The following THRB variants were observed in gnomAD, a reference collection of about 807,000 sequenced individuals.
THRB encodes nuclear receptor subfamily 1 group A member 2.
A neutral mutation model predicts 47.8 loss-of-function variants in THRB; 12 were observed. That is an observed-to-expected ratio of 0.25 (90% confidence interval 0.16 to 0.41). The LOEUF (loss-of-function observed/expected upper bound fraction) is 0.41, where lower values mean the gene tolerates loss of function less well. Among genes scored for constraint, THRB ranks in the 10% least tolerant of loss-of-function variants. THRB has a pLI of 1.00. For synonymous variants in THRB, 218 were observed against 212.2 expected, an observed-to-expected ratio of 1.03 and a Z score of -0.24; for missense variants, 348 against 589.2, an observed-to-expected ratio of 0.59 and a Z score of 4.24.
chr3:24,121,943 C>T lies in THRB; in HGVS notation c.*941G>A, dbSNP rs1183048238. ...TCTTTCCTTGATTAGAATATTTGATCCATAGAGAAATCTGTTGTCAGCTCA... is the reference window on the plus strand; with the variant it reads ...TCTTTCCTTGATTAGAATATTTGATTCATAGAGAAATCTGTTGTCAGCTCA... On this transcript the variant is annotated 3_prime_UTR_variant, in exon 11 of 11. Transcript: ENST00000646209. The T allele has an allele frequency of 6.6e-6, 1 of 152,578 alleles. No homozygotes were observed. Among genetic ancestry groups the T allele is most frequent in the East Asian group, 1.9e-4 (1 of 5,188 alleles). 9.5% of individuals were successfully genotyped at this position (152,578 alleles called of 1,614,324 possible).
chr3:24,210,406 G>GT lies in THRB; in HGVS notation c.22+18531dup, dbSNP rs754811936. On this transcript the variant is annotated intron_variant, in intron 4 of 10. Transcript: ENST00000646209. ...GGATCTCACCCAGGTTGGTTTATTTGTTTGTTTTTTTTTTTTGCTTCTGTG... is the reference window on the plus strand; with the variant it reads ...GGATCTCACCCAGGTTGGTTTATTTGTTTTGTTTTTTTTTTTTGCTTCTGTG... Among the ~76,000 whole-genome samples the GT allele has an allele frequency of 4.3e-3, 651 of 150,322 alleles. 3 individuals are homozygous for GT. Among genetic ancestry groups the GT allele is most frequent in the East Asian group, 0.011 (54 of 5,122 alleles).
chr3:24,232,460 T>A (rs147096994), intron 3 of THRB, among the ~76,000 whole-genome samples: 1 of 152,170 alleles, frequency 6.6e-6, no homozygotes, highest in Non-Finnish European at 1.5e-5. Flanking sequence ...TTGGGCTTAT[T>A]TGGGGAGGAT....
intron 1 of THRB, among the ~76,000 whole-genome samples, chr3:24,481,229 G>GTTTTGTTTTTTTTTTT (rs1696316795): frequency 1.8e-5 from 1 of 55,380 alleles, no homozygotes; most frequent in African/African-American, 7.7e-5. Flanking sequence ...GTTTCTTTCT[G>GTTTTGTTTTTTTTTTT]TTTTTTTTTT....
intron 4 of THRB, among the ~76,000 whole-genome samples, chr3:24,224,318 A>G (rs2047443081): frequency 6.6e-6 from 1 of 152,212 alleles, no homozygotes; most frequent in African/African-American, 2.4e-5. Flanking sequence ...CAGGGACTAT[A>G]TCACCATATG....
chr3:24,133,705 G>C (rs2034222749), intron 8 of THRB, among the ~76,000 whole-genome samples: 1 of 151,826 alleles, frequency 6.6e-6, no homozygotes, highest in Non-Finnish European at 1.5e-5. Flanking sequence ...AAGAGAGAGA[G>C]AGAGAGAGAG....
At chr3:24,240,377 G>A (rs947872754) in intron 3 of THRB, among the ~76,000 whole-genome samples, 11 of 152,140 alleles carry the variant, frequency 7.2e-5, no homozygotes, top group Admixed American at 2.0e-4. Flanking sequence ...AGGCTGTGAC[G>A]AAGAATCTAA....
At chr3:24,357,394 A>C (rs1451126332) in intron 1 of THRB, among the ~76,000 whole-genome samples, 4 of 150,162 alleles carry the variant, frequency 2.7e-5, no homozygotes, top group African/African-American at 4.9e-5. Flanking sequence ...AACAAACAAA[A>C]AAACACCAAA....
intron 1 of THRB, among the ~76,000 whole-genome samples, chr3:24,414,455 G>A (rs542583070): frequency 1.3e-4 from 20 of 151,640 alleles, no homozygotes; most frequent in Non-Finnish European, 2.8e-4. Context: ...TACAATCAAG[G>A]GAAAATATGC....
chr3:24,265,269 G>A (rs1390666445), intron 3 of THRB, among the ~76,000 whole-genome samples: 1 of 152,044 alleles, frequency 6.6e-6, no homozygotes, highest in East Asian at 1.9e-4. Flanking sequence ...TTCTGATCCT[G>A]GAGTTTGTTC....
At chr3:24,403,261 G>A (rs959869291) in intron 1 of THRB, among the ~76,000 whole-genome samples, 2 of 151,900 alleles carry the variant, frequency 1.3e-5, no homozygotes, top group Non-Finnish European at 2.9e-5. Flanking sequence ...ACAAAATCAT[G>A]TACAGAAAGA....
intron 4 of THRB, among the ~76,000 whole-genome samples, chr3:24,194,677 A>C (rs1221079358): frequency 6.6e-6 from 1 of 152,216 alleles, no homozygotes; most frequent in Admixed American, 6.5e-5. Flanking sequence ...GTTCTTTTGC[A>C]AAAGAGAAAC....
chr3:24,396,561 T>C (rs752227542), intron 1 of THRB, among the ~76,000 whole-genome samples: 65 of 152,062 alleles, frequency 4.3e-4, no homozygotes, highest in Non-Finnish European at 8.7e-4. Flanking sequence ...AGACCAACAC[T>C]TGTGAGAAGA....
At chr3:24,386,434 A>G (rs2066109334) in intron 1 of THRB, among the ~76,000 whole-genome samples, 1 of 152,070 alleles carries the variant, frequency 6.6e-6, no homozygotes, top group Non-Finnish European at 1.5e-5. Context: ...TTGTTTGCTT[A>G]CAACCTTCTA....
intron 5 of THRB, among the ~76,000 whole-genome samples, chr3:24,175,638 T>C (rs2041039940): frequency 6.6e-6 from 1 of 152,222 alleles, no homozygotes; most frequent in Non-Finnish European, 1.5e-5. Flanking sequence ...GTCTGCTCTT[T>C]TTTATAAATG....
intron 9 of THRB, among the ~76,000 whole-genome samples, chr3:24,129,861 A>G (rs1159797136): frequency 6.6e-6 from 1 of 152,236 alleles, no homozygotes; most frequent in East Asian, 1.9e-4. Flanking sequence ...CGATGATTTT[A>G]GATCTTGTGA....
intron 3 of THRB, among the ~76,000 whole-genome samples, chr3:24,237,420 C>G (rs2048981738): frequency 6.6e-6 from 1 of 152,172 alleles, no homozygotes; most frequent in African/African-American, 2.4e-5. Context: ...AAATAATTCA[C>G]TTTTACTTCC....
At chr3:24,273,957 A>G (rs1443277045) in intron 3 of THRB, among the ~76,000 whole-genome samples, 1 of 152,150 alleles carries the variant, frequency 6.6e-6, no homozygotes, top group Non-Finnish European at 1.5e-5. Context: ...GTAGGAAAAT[A>G]TTATTTCTTT....
At position 24,359,370 on chromosome 3, in the gene THRB, G is replaced by A. The variant is rs569518453; in HGVS notation, c.-260-21999C>T. Among the ~76,000 whole-genome samples, 16 of 152,246 alleles carry A rather than the reference G, an allele frequency of 1.1e-4. 1 individual carries two copies. Among genetic ancestry groups the A allele is most frequent in the Admixed American group, 7.8e-4 (12 of 15,288 alleles). On this transcript the variant is annotated intron_variant, in intron 1 of 10. Transcript: ENST00000646209. The stretch of plus-strand genomic sequence containing the variant: ...GTTGGAATTTTTAGATGGTGACTGA[G>A]GCTCCAAAAGCAGGTGTTCCAGTGA...
intron 1 of THRB, among the ~76,000 whole-genome samples, chr3:24,378,867 A>T (rs2065487318): frequency 6.6e-6 from 1 of 152,212 alleles, no homozygotes; most frequent in Non-Finnish European, 1.5e-5. Flanking sequence ...AGAAATATAT[A>T]TAAGCATAAA....
Sources: gnomAD v4.1 joint callset for allele counts (sites outside exome capture counted in the v4.1 genomes callset) on GRCh38, gnomAD v4.1.1 for gene constraint, MANE v1.5 for transcripts, NCBI Gene and HGNC (gene_info 2026-07-23, HGNC 2026-07-21) for gene names.